EIF2AK4: variants seen among roughly 807,000 people sequenced by gnomAD.
The protein encoded by EIF2AK4 is eukaryotic translation initiation factor 2 alpha kinase 4.
Under a neutral mutation model 211.1 loss-of-function variants are expected in EIF2AK4, and 139 were observed. The observed-to-expected ratio is 0.66, with a 90% CI of 0.57 to 0.76. EIF2AK4 has a LOEUF of 0.76. Among genes scored for constraint, EIF2AK4 ranks in the 30% least tolerant of loss-of-function variants. The pLI is 0.00. For synonymous variants in EIF2AK4, 710 were observed against 751.3 expected (o/e 0.94, Z 0.90); for missense variants, 1,664 against 2,043.8 (o/e 0.81, Z 3.58).
In EIF2AK4 at chr15:39,986,880, C is replaced by CAACA. The variant is rs1555418935; in HGVS notation, c.2403+994_2403+995insCAAA. Among the ~76,000 whole-genome samples, 352 of 151,990 alleles carry CAACA rather than the reference C, an allele frequency of 2.3e-3. 5 individuals are homozygous for CAACA. The highest frequency in any genetic ancestry group is 0.016 in the Admixed American group (251 of 15,236). ...AAAAAACAAACAACAACAACAACAA[C>CAACA]AAAAACAAAGAAGTCTTTCCTCTGC... On this transcript the variant is annotated intron_variant, in intron 14 of 38. Coordinates refer to ENST00000263791, the MANE Select transcript of EIF2AK4 (RefSeq NM_001013703.4).
Position 40,003,243 on chromosome 15 carries a change from T to C in EIF2AK4, c.3286T>C (p.Tyr1096His). Residue 1096 changes from tyrosine to histidine, a missense_variant, in exon 23 of 39, where the codon TAT becomes CAT. Tyr to His is a moderately conservative substitution (Grantham distance 83, BLOSUM62 2). This residue lies in a region of EIF2AK4 where 622 missense variants were observed against 796.8 expected (regional missense o/e 0.78). Coordinates refer to ENST00000263791, the MANE Select transcript of EIF2AK4 (RefSeq NM_001013703.4). ...ACTGCTTCCCCGAAACAGACAAATA[T>C]ATGAGCACAACGAAGCTGCCCTATT... Reference protein sequence around the residue: ...PLLLPRNRQIYEHNEAALFMD... With the variant: ...PLLLPRNRQIHEHNEAALFMD... The C allele has an allele frequency of 1.2e-6, 2 of 1,614,162 alleles. No individual in the cohort carries two copies. Among genetic ancestry groups the C allele is most frequent in the Non-Finnish European group, 1.7e-6 (2 of 1,180,024 alleles).
chr15:40,002,134 A>G (rs2035101363), intron 21 of EIF2AK4, among the ~76,000 whole-genome samples: 2 of 152,208 alleles, frequency 1.3e-5, no homozygotes, highest in African/African-American at 4.8e-5. Context: ...GAGACCAAAC[A>G]CAATTTTTAC....
intron 30 of EIF2AK4, among the ~76,000 whole-genome samples, chr15:40,019,879 G>A (rs1460905852): frequency 6.6e-6 from 1 of 152,098 alleles, no homozygotes; most frequent in East Asian, 1.9e-4. Context: ...TCTTGTTCAG[G>A]CCAGGCATGG....
chr15:39,992,031 GA>G (rs1467988616), intron 16 of EIF2AK4, 143 bp from the exon 17 acceptor site: 21 of 763,640 alleles, frequency 2.7e-5, no homozygotes, highest in Non-Finnish European at 3.7e-5. Flanking sequence ...AACTAAACTA[GA>G]AAAAAAATTA....
At chr15:39,978,350 A>G (rs941950259) in intron 13 of EIF2AK4, 9 of 309,294 alleles carry the variant, frequency 2.9e-5, no homozygotes, top group African/African-American at 1.5e-4. Context: ...AGTAAAACAT[A>G]CCTCCTTTTA....
intron 1 of EIF2AK4, among the ~76,000 whole-genome samples, chr15:39,936,906 G>T (rs920846585): frequency 6.6e-6 from 1 of 152,052 alleles, no homozygotes; most frequent in Non-Finnish European, 1.5e-5. Context: ...CCTCATGTCA[G>T]TTCAGGCTAA....
At chr15:40,020,721 CTTTTTT>C in intron 30 of EIF2AK4, 172 bp from the exon 31 acceptor site, 1 of 294,570 alleles carries the variant, frequency 3.4e-6, no homozygotes, top group Non-Finnish European at 5.9e-6. Context: ...TTGAGTGTGT[CTTTTTT>C]TTTTTTTTTT....
At chr15:39,943,572 T>G (rs2034179303) in intron 3 of EIF2AK4, 87 bp downstream of exon 3, 1 of 1,043,580 alleles carries the variant, frequency 9.6e-7, no homozygotes, top group Non-Finnish European at 1.4e-6. Flanking sequence ...TGTTTTGTGT[T>G]TTATTGGTTC....
intron 2 of EIF2AK4, among the ~76,000 whole-genome samples, chr15:39,940,768 C>G (rs923601760): frequency 6.6e-6 from 1 of 151,988 alleles, no homozygotes; most frequent in Non-Finnish European, 1.5e-5. Flanking sequence ...AATTCTGACA[C>G]TATCTGTAGT....
At chr15:39,972,342 C>A (rs1490858281) in intron 9 of EIF2AK4, among the ~76,000 whole-genome samples, 10 of 135,688 alleles carry the variant, frequency 7.4e-5, no homozygotes, top group Non-Finnish European at 3.4e-5. Flanking sequence ...ACGGCAAGAC[C>A]CTATTTCAAA....
Position 39,934,215 on chromosome 15 carries a change from C to A in EIF2AK4, c.20C>A (p.Ala7Asp). ...GCTGCCATGGCTGGGGGCCGTGGGGCCCCCGGGCGCGGCCGGGACGAGCCT... is the reference window on the plus strand; with the variant it reads ...GCTGCCATGGCTGGGGGCCGTGGGGACCCCGGGCGCGGCCGGGACGAGCCT... The part of the protein sequence containing the change: MAGGRG[A>D]PGRGRDEPPE... The change falls in exon 1 of 39, where the codon GCC (alanine) becomes GAC (aspartate). Residue 7 changes from alanine (A) to aspartate (D), a missense_variant. Coordinates refer to ENST00000263791, the MANE Select transcript of EIF2AK4 (RefSeq NM_001013703.4). 1 of 1,580,610 alleles carries A rather than the reference C, an allele frequency of 6.3e-7. No individual in the cohort carries two copies. Among genetic ancestry groups the A allele is most frequent in the Non-Finnish European group, 8.6e-7 (1 of 1,164,832 alleles).
intron 33 of EIF2AK4, among the ~76,000 whole-genome samples, chr15:40,027,448 G>A (rs2035478814): frequency 1.3e-5 from 2 of 152,278 alleles, no homozygotes; most frequent in South Asian, 4.1e-4. Flanking sequence ...ACCACACTTG[G>A]AGAACCTCAT....
chr15:39,941,955 G>C (rs936878448), intron 2 of EIF2AK4, among the ~76,000 whole-genome samples: 2 of 152,026 alleles, frequency 1.3e-5, no homozygotes, highest in Admixed American at 1.3e-4. Context: ...ACATGGAAAT[G>C]CTTATAAAAG....
intron 21 of EIF2AK4, among the ~76,000 whole-genome samples, chr15:40,001,501 G>A (rs984519512): frequency 1.3e-5 from 2 of 152,004 alleles, no homozygotes; most frequent in Non-Finnish European, 2.9e-5. Context: ...GTGGTGGCAT[G>A]CACCTGTAAT....
chr15:40,016,209 G>A (rs1316532713), intron 27 of EIF2AK4, among the ~76,000 whole-genome samples: 2 of 152,228 alleles, frequency 1.3e-5, no homozygotes, highest in African/African-American at 2.4e-5. Flanking sequence ...GATAATGGAA[G>A]CTCTGCTAGT....
chr15:40,005,970 G>GA (rs757405486), intron 23 of EIF2AK4, among the ~76,000 whole-genome samples: 261 of 135,234 alleles, frequency 1.9e-3, no homozygotes, highest in South Asian at 5.5e-3. Flanking sequence ...AAGATACTCA[G>GA]AAAAAAAAAA....
At chr15:39,947,678 C>T (rs527497071) in intron 3 of EIF2AK4, among the ~76,000 whole-genome samples, 1 of 152,216 alleles carries the variant, frequency 6.6e-6, no homozygotes, top group African/African-American at 2.4e-5. Context: ...TGAAGAAAAT[C>T]AGGGTGAGCG....
chr15:39,965,489 A>G (rs2034531280), intron 7 of EIF2AK4, among the ~76,000 whole-genome samples, 197 bp from the exon 8 acceptor site: 1 of 152,198 alleles, frequency 6.6e-6, no homozygotes, highest in Non-Finnish European at 1.5e-5. Context: ...CTTATAAAAA[A>G]TTATTTTAGG....
intron 3 of EIF2AK4, 87 bp from the exon 4 acceptor site, chr15:39,949,029 C>T (rs974593380): frequency 6.6e-7 from 1 of 1,513,440 alleles, no homozygotes; most frequent in Non-Finnish European, 9.0e-7. Context: ...CTCTGACCGC[C>T]AGTTTGCTTT....
Sources: allele counts gnomAD v4.1 joint callset (sites outside exome capture counted in the v4.1 genomes callset), GRCh38; gene constraint gnomAD v4.1.1; regional missense constraint gnomAD v4.1.1; transcripts MANE v1.5; gene names NCBI Gene and HGNC (gene_info 2026-07-23, HGNC 2026-07-21).